The following TENM2 variants were observed in gnomAD, a reference collection of about 807,000 sequenced individuals.
TENM2 encodes teneurin-2.
Under a neutral mutation model 245.2 loss-of-function variants are expected in TENM2, and 52 were observed. That is an observed-to-expected ratio of 0.21 (90% CI 0.17 to 0.27). TENM2 has a LOEUF of 0.27. TENM2 is among the 10% of genes least tolerant of loss of function. The pLI is 1.00. For missense variants in TENM2, 3,046 were observed against 3,666.8 expected, an observed-to-expected ratio of 0.83 and a Z score of 4.37; for synonymous variants, 1,363 against 1,438.9, an observed-to-expected ratio of 0.95 and a Z score of 1.19.
chr5:167,835,276 G>A (rs1248637868), intron 2 of TENM2, among the ~76,000 whole-genome samples: 1 of 152,228 alleles, frequency 6.6e-6, no homozygotes, highest in African/African-American at 2.4e-5. Context: ...GGGACAGGGA[G>A]AATTCATTTA....
chr5:167,961,033 T>A (rs1780973158), intron 4 of TENM2, among the ~76,000 whole-genome samples: 2 of 152,210 alleles, frequency 1.3e-5, no homozygotes, highest in African/African-American at 4.8e-5. Context: ...CTGTACCCAC[T>A]GTCTAACCAG....
At chr5:167,768,584 T>G (rs1421400261) in intron 2 of TENM2, among the ~76,000 whole-genome samples, 1 of 152,178 alleles carries the variant, frequency 6.6e-6, no homozygotes, top group Non-Finnish European at 1.5e-5. Flanking sequence ...ATAATGGTTA[T>G]GAAGTGGTAG....
exon 24 of TENM2, chr5:168,226,150 A>G: frequency 6.2e-7 from 1 of 1,613,792 alleles, no homozygotes; most frequent in Non-Finnish European, 8.5e-7. Context: ...ACCAGTCTGC[A>G]CCGGGAAATG....
At chr5:167,987,391 G>C (rs999836794) in intron 4 of TENM2, among the ~76,000 whole-genome samples, 1 of 151,230 alleles carries the variant, frequency 6.6e-6, no homozygotes, top group Admixed American at 6.6e-5. Flanking sequence ...GCAATGGCAC[G>C]GTCTCAGCTC....
intron 2 of TENM2, among the ~76,000 whole-genome samples, chr5:167,870,660 A>G (rs1394087470): frequency 6.7e-6 from 1 of 148,196 alleles, no homozygotes; most frequent in Non-Finnish European, 1.5e-5. Flanking sequence ...TATATATATT[A>G]CTAGAATACT....
chr5:168,160,408 C>A (rs561590874), intron 12 of TENM2, among the ~76,000 whole-genome samples: 7 of 152,316 alleles, frequency 4.6e-5, no homozygotes, highest in African/African-American at 1.7e-4. Context: ...GTGTGTAGAC[C>A]AAACAAGCCT....
intron 1 of TENM2, among the ~76,000 whole-genome samples, chr5:167,326,537 G>T (rs1241854748): frequency 1.3e-5 from 2 of 151,768 alleles, no homozygotes; most frequent in Non-Finnish European, 2.9e-5. Context: ...GCCAGACGTG[G>T]TGGTGCACGC....
At chr5:167,486,037 CT>C (rs1768048236) in intron 2 of TENM2, among the ~76,000 whole-genome samples, 1 of 151,722 alleles carries the variant, frequency 6.6e-6, no homozygotes, top group African/African-American at 2.4e-5. Flanking sequence ...CCTTAGTAGT[CT>C]TTTCTGTAAG....
At position 167,432,092 on chromosome 5, in the gene TENM2, A is replaced by C. The variant is rs540203217; in HGVS notation, c.502+56619A>C. On this transcript the variant is annotated intron_variant, in intron 2 of 28. Transcript: ENST00000518659. The stretch of plus-strand genomic sequence containing the variant: ...GAAGTTAAATTCTAATGCAGTAAAA[A>C]CCCCCCTGGAAACAAACTGTTACCC... Among the ~76,000 whole-genome samples the C allele has an allele frequency of 7.5e-3, 1,110 of 148,966 alleles. 8 individuals are homozygous for C. Among genetic ancestry groups the C allele is most frequent in the Admixed American group, 0.018 (266 of 14,848 alleles).
the TENM2 span, among the ~76,000 whole-genome samples, chr5:167,144,136 T>C: frequency 6.3e-4 from 95 of 151,970 alleles, no homozygotes; most frequent in Non-Finnish European, 1.1e-3. Flanking sequence ...CGTAAACATC[T>C]CATTAAATAT....
intron 2 of TENM2, among the ~76,000 whole-genome samples, chr5:167,807,124 T>TAAAAAAAAAAAAAA (rs1178739925): frequency 6.7e-4 from 33 of 49,076 alleles, no homozygotes; most frequent in East Asian, 4.0e-3. Flanking sequence ...GCCCCTAGGT[T>TAAAAAAAAAAAAAA]AAAAAAAAAA....
chr5:167,769,224 C>A (rs1763239658), intron 2 of TENM2, among the ~76,000 whole-genome samples: 1 of 152,180 alleles, frequency 6.6e-6, no homozygotes, highest in African/African-American at 2.4e-5. Context: ...TTGTCAATAA[C>A]AATCTGGTTG....
rs1769007927 is a variant in TENM2 at position 167,499,081 on chromosome 5, G to A, written c.502+123608G>A. ...GCACTCTCTTCCTTCCCTCAGTTGA[G>A]CTCATCCCCTTTCACACCTAGCTTC... On this transcript the variant is annotated intron_variant, in intron 2 of 28. Transcript: ENST00000518659. 2.6e-5 allele frequency among the ~76,000 whole-genome samples: 4 copies of A among 152,060 alleles called. No homozygotes were observed. The South Asian group carries it at 6.2e-4, about 24-fold the overall frequency.
the TENM2 span, among the ~76,000 whole-genome samples, chr5:167,244,744 C>T: frequency 2.6e-5 from 4 of 152,116 alleles, no homozygotes; most frequent in Admixed American, 2.6e-4. Context: ...TGAGTGGTGT[C>T]TCTCAGTCTC....
At position 167,439,094 on chromosome 5, in the gene TENM2, G is replaced by A. The variant is rs116112340; in HGVS notation, c.502+63621G>A. On this transcript the variant is annotated intron_variant, in intron 2 of 28. Transcript: ENST00000518659. The stretch of plus-strand genomic sequence containing the variant: ...CAGGCATGAGCCGCCGCACCGGGCC[G>A]CCAAGTTTTTACACATATGCCATGT... 8.4e-3 allele frequency among the ~76,000 whole-genome samples: 1,273 copies of A among 152,246 alleles called. 5 individuals carry two copies. The highest frequency in any genetic ancestry group is 0.013 in the Non-Finnish European group (853 of 68,022).
rs1373657363 is a variant in TENM2 at position 168,034,147 on chromosome 5, ATGTG to A, written c.1187-13278_1187-13275del. Among the ~76,000 whole-genome samples, 142 of 105,048 alleles carry A rather than the reference ATGTG, an allele frequency of 1.4e-3. 1 individual carries two copies. Among genetic ancestry groups the A allele is most frequent in the African/African-American group, 4.4e-3 (129 of 29,538 alleles). The allele number at this position is 105,048 out of a possible 152,430, so 68.9% of individuals were successfully genotyped here. ...TATATATATATATGTATACATATATATGTGTATATATATATGTATATATATACAC... is the reference window on the plus strand; with the variant it reads ...TATATATATATATGTATACATATATATATATATATATGTATATATATACAC... On this transcript the variant is annotated intron_variant, in intron 5 of 28. Coordinates refer to ENST00000518659, the Ensembl canonical transcript of TENM2.
intron 2 of TENM2, among the ~76,000 whole-genome samples, chr5:167,807,172 T>G (rs1766263780): frequency 7.2e-6 from 1 of 139,170 alleles, no homozygotes; most frequent in African/African-American, 2.8e-5. Flanking sequence ...AGAAGAAGTT[T>G]TTGTCAGTCG....
chr5:167,382,664 C>A (rs1306685840), intron 2 of TENM2, among the ~76,000 whole-genome samples: 6 of 152,100 alleles, frequency 3.9e-5, no homozygotes, highest in Admixed American at 3.9e-4. Context: ...CAGAGTTATA[C>A]CATTCTGAGG....
chr5:167,800,521 A>G (rs1296204739), intron 2 of TENM2, among the ~76,000 whole-genome samples: 1 of 152,170 alleles, frequency 6.6e-6, no homozygotes, highest in Non-Finnish European at 1.5e-5. Flanking sequence ...CTGCCATACC[A>G]AAAGCCTTGT....
Sources: gnomAD v4.1 joint callset for allele counts (sites outside exome capture counted in the v4.1 genomes callset) on GRCh38, gnomAD v4.1.1 for gene constraint, MANE v1.5 for transcripts, NCBI Gene and HGNC (gene_info 2026-07-23, HGNC 2026-07-21) for gene names.